ABTB3: variants seen among roughly 807,000 people sequenced by gnomAD.
The protein encoded by ABTB3 is ankyrin repeat- and BTB/POZ domain-containing protein 3.
the ABTB3 span, among the ~76,000 whole-genome samples, chr12:107,436,744 G>A: frequency 6.6e-5 from 10 of 152,100 alleles, no homozygotes; most frequent in Admixed American, 2.6e-4. Context: ...TGCCAGCTCT[G>A]CTTATTAGCG....
At chr12:107,509,190 A>G in the ABTB3 span, among the ~76,000 whole-genome samples, 2 of 152,206 alleles carry the variant, frequency 1.3e-5, no homozygotes, top group African/African-American at 4.8e-5. Context: ...GAAAGTTGCA[A>G]TGATAATGCA....
At chr12:107,604,691 T>C in the ABTB3 span, among the ~76,000 whole-genome samples, 3 of 152,224 alleles carry the variant, frequency 2.0e-5, no homozygotes, top group African/African-American at 7.2e-5. Context: ...ACAGCCATTA[T>C]GGAAAACAGA....
At chr12:107,634,036 G>A in the ABTB3 span, among the ~76,000 whole-genome samples, 11 of 152,338 alleles carry the variant, frequency 7.2e-5, no homozygotes, top group East Asian at 3.9e-4. Context: ...AAAGCCTCTC[G>A]TCATTGAAAG....
At chr12:107,353,661 C>T in the ABTB3 span, among the ~76,000 whole-genome samples, 2 of 152,170 alleles carry the variant, frequency 1.3e-5, no homozygotes, top group African/African-American at 2.4e-5. Flanking sequence ...AGTAGGGGTC[C>T]ATGGCCTGTC....
chr12:107,341,237 G>T, the ABTB3 span, among the ~76,000 whole-genome samples: 337 of 152,294 alleles, frequency 2.2e-3, 1 homozygote, highest in African/African-American at 7.5e-3. Flanking sequence ...CTTCATCCAC[G>T]TTCTTCCATA....
chr12:107,614,781 A>G, the ABTB3 span, among the ~76,000 whole-genome samples: 256 of 152,262 alleles, frequency 1.7e-3, 2 homozygotes, highest in African/African-American at 5.8e-3. Flanking sequence ...CAAGGGTAAA[A>G]TCTCCAAAAC....
the ABTB3 span, among the ~76,000 whole-genome samples, chr12:107,354,070 T>C: frequency 6.6e-6 from 1 of 152,174 alleles, no homozygotes; most frequent in Admixed American, 6.5e-5. Context: ...TTTTGACAAG[T>C]AATAGAGCCA....
At chr12:107,491,950 G>C in the ABTB3 span, among the ~76,000 whole-genome samples, 2 of 152,100 alleles carry the variant, frequency 1.3e-5, no homozygotes, top group African/African-American at 2.4e-5. Flanking sequence ...AAGAGGTTTA[G>C]TCAGAGGGCT....
At chr12:107,581,312 C>T in the ABTB3 span, 52 of 1,318,772 alleles carry the variant, frequency 3.9e-5, no homozygotes, top group Non-Finnish European at 4.4e-5. Flanking sequence ...CAGGTAGGCG[C>T]GGGGGCGGGC....
chr12:107,649,345 A>G, the ABTB3 span: 2 of 1,406,346 alleles, frequency 1.4e-6, no homozygotes, highest in South Asian at 2.3e-5. Context: ...AACTCGGGTC[A>G]CCAGCCTGCA....
At chr12:107,602,204 C>T in the ABTB3 span, among the ~76,000 whole-genome samples, 1 of 152,214 alleles carries the variant, frequency 6.6e-6, no homozygotes, top group African/African-American at 2.4e-5. Context: ...CCCTCCCCAC[C>T]CTCTGCTATC....
the ABTB3 span, among the ~76,000 whole-genome samples, chr12:107,531,298 G>A: frequency 3.3e-5 from 5 of 152,178 alleles, no homozygotes; most frequent in Admixed American, 1.3e-4. Context: ...GAGGATTACT[G>A]CTGCAAAATT....
At chr12:107,508,438 C>CTTTTTTTTTTTTTTTTTTTT in the ABTB3 span, among the ~76,000 whole-genome samples, 13 of 69,164 alleles carry the variant, frequency 1.9e-4, 2 homozygotes, top group Non-Finnish European at 2.7e-4. Context: ...AAGATCATTT[C>CTTTTTTTTTTTTTTTTTTTT]TTTTTTTTTT....
the ABTB3 span, among the ~76,000 whole-genome samples, chr12:107,633,054 T>C: frequency 3.3e-5 from 5 of 152,234 alleles, no homozygotes; most frequent in Non-Finnish European, 7.3e-5. Flanking sequence ...CTCGCCCAGA[T>C]AATCCAGGAT....
the ABTB3 span, among the ~76,000 whole-genome samples, chr12:107,611,535 C>A: frequency 7.9e-5 from 12 of 152,304 alleles, no homozygotes; most frequent in African/African-American, 2.6e-4. Flanking sequence ...ATTATTTATT[C>A]ACTGACCAGG....
chr12:107,567,362 C>A, the ABTB3 span, among the ~76,000 whole-genome samples: 1 of 152,206 alleles, frequency 6.6e-6, no homozygotes, highest in Non-Finnish European at 1.5e-5. Flanking sequence ...TGCCGTGGGA[C>A]AATGTTTCAG....
the ABTB3 span, among the ~76,000 whole-genome samples, chr12:107,613,641 C>A: frequency 3.9e-5 from 6 of 152,244 alleles, no homozygotes; most frequent in Non-Finnish European, 8.8e-5. Context: ...AGGTTTGGAA[C>A]TCAGTTAATA....
the ABTB3 span, among the ~76,000 whole-genome samples, chr12:107,438,387 C>T: frequency 6.6e-6 from 1 of 152,154 alleles, no homozygotes; most frequent in African/African-American, 2.4e-5. Context: ...AATGGTCTTC[C>T]ATCCACTTGC....
chr12:107,640,673 G>C, the ABTB3 span, among the ~76,000 whole-genome samples: 8 of 152,188 alleles, frequency 5.3e-5, no homozygotes, highest in African/African-American at 1.9e-4. Context: ...CGGCTAGGTG[G>C]CCTTGTGCAG....
Sources: gnomAD v4.1 joint callset for allele counts (sites outside exome capture counted in the v4.1 genomes callset) on GRCh38, gnomAD v4.1.1 for gene constraint, MANE v1.5 for transcripts, NCBI Gene and HGNC (gene_info 2026-07-23, HGNC 2026-07-21) for gene names.